SETD2: variants seen among roughly 807,000 people sequenced by gnomAD.
SETD2 encodes the protein histone-lysine N-methyltransferase SETD2.
A neutral mutation model predicts 242.1 loss-of-function variants in SETD2; 31 were observed. The observed-to-expected ratio is 0.13, with a 90% confidence interval of 0.10 to 0.17. SETD2 has a LOEUF of 0.17. SETD2 is among the 10% of genes least tolerant of loss of function. SETD2 has a pLI of 1.00. For synonymous variants in SETD2, 1,006 were observed against 1,066.5 expected (o/e 0.94, Z 1.11); for missense variants, 2,481 against 3,046.3 (o/e 0.81, Z 4.37).
chr3:47,143,212 T>C (rs1350813879), intron 1 of SETD2, among the ~76,000 whole-genome samples: 3 of 152,120 alleles, frequency 2.0e-5, no homozygotes, highest in Non-Finnish European at 4.4e-5. Context: ...GACCACTGCT[T>C]GAGCCCAGGA....
chr3:47,091,955 A>C (rs534283379), intron 9 of SETD2, among the ~76,000 whole-genome samples: 2 of 150,508 alleles, frequency 1.3e-5, no homozygotes, highest in African/African-American at 4.9e-5. Flanking sequence ...AAAAACAAAC[A>C]AAAAAAAAGA....
chr3:47,023,703 A>T (rs1011096986), intron 18 of SETD2, among the ~76,000 whole-genome samples: 13 of 152,240 alleles, frequency 8.5e-5, no homozygotes, highest in Non-Finnish European at 2.9e-5. Context: ...AACCAATTTT[A>T]AAAAACCCCA....
intron 9 of SETD2, among the ~76,000 whole-genome samples, chr3:47,094,489 T>C (rs989586626): frequency 1.2e-4 from 19 of 152,380 alleles, no homozygotes; most frequent in Middle Eastern, 3.4e-3. Flanking sequence ...GCTAGCTATC[T>C]TGTCCTTTCC....
intron 15 of SETD2, chr3:47,046,848 GAAAAT>G: frequency 3.7e-6 from 1 of 272,202 alleles, no homozygotes. Context: ...TTTATCATAA[GAAAAT>G]AAAAGCTTTT....
intron 7 of SETD2, 56 bp downstream of exon 7, chr3:47,103,290 G>T (rs2107687797): frequency 1.7e-6 from 2 of 1,167,782 alleles, no homozygotes; most frequent in Non-Finnish European, 1.3e-6. Flanking sequence ...TAAAATTAAT[G>T]GTCAGAACAG....
intron 6 of SETD2, among the ~76,000 whole-genome samples, chr3:47,104,814 G>T (rs553144382): frequency 6.6e-6 from 1 of 152,316 alleles, no homozygotes; most frequent in South Asian, 2.1e-4. Context: ...GTTCATGCCT[G>T]TAATCCCAAC....
chr3:47,049,923 A>G (rs1368762859), intron 15 of SETD2, among the ~76,000 whole-genome samples: 6 of 146,440 alleles, frequency 4.1e-5, no homozygotes, highest in African/African-American at 1.5e-4. Context: ...TTTATATATT[A>G]TATATAAACT....
At chr3:47,110,478 C>T (rs2042607270) in intron 5 of SETD2, among the ~76,000 whole-genome samples, 1 of 152,146 alleles carries the variant, frequency 6.6e-6, no homozygotes. Context: ...TTAAGTCAAC[C>T]TGGACTGCCT....
In SETD2 at chr3:47,057,495, A is replaced by G. The variant is rs2107578444; in HGVS notation, c.6294-5T>C. 6.2e-7 allele frequency: 1 copy of G among 1,609,842 alleles called. No individual in the cohort carries two copies. Among genetic ancestry groups the G allele is most frequent in the Non-Finnish European group, 8.5e-7 (1 of 1,176,900 alleles). ...TTAGAAGTTGGTGTATCATATCTAG[A>G]AAGAAAATAAGGACCACAAAAAGTT... On this transcript the variant is annotated splice_polypyrimidine_tract_variant and splice_region_variant and intron_variant, in intron 14 of 20. Transcript: ENST00000409792.
chr3:47,127,423 T>G, intron 1 of SETD2: 1 of 217,310 alleles, frequency 4.6e-6, no homozygotes, highest in South Asian at 4.7e-5. Flanking sequence ...CCAGGCAGAG[T>G]CAGAGATTAA....
chr3:47,080,190 T>C (rs1214487620), intron 12 of SETD2, among the ~76,000 whole-genome samples: 1 of 152,240 alleles, frequency 6.6e-6, no homozygotes, highest in Non-Finnish European at 1.5e-5. Context: ...AGGGAAATAC[T>C]TGATTTGCTG....
At position 47,124,214 on chromosome 3, in the gene SETD2, T is replaced by C. The variant is rs2043233575; in HGVS notation, c.422A>G (p.Lys141Arg). The C allele has an allele frequency of 6.4e-7, 1 of 1,551,800 alleles. No homozygotes were observed. Residue 141 changes from lysine to arginine, a missense_variant, in exon 3 of 21, where the codon AAA (lysine) becomes AGA (arginine). Transcript: ENST00000409792. Reference protein sequence around the residue: ...SPPKSRVELGKIHFKKHLLHV... With the variant: ...SPPKSRVELGRIHFKKHLLHV... ...AAGCAGATGTTTCTTAAAATGAATT[T>C]TGCCCAATTCCACCCTTGACTTTGG...
At chr3:47,023,560 G>A (rs1380489838) in intron 18 of SETD2, among the ~76,000 whole-genome samples, 2 of 151,896 alleles carry the variant, frequency 1.3e-5, no homozygotes, top group Non-Finnish European at 2.9e-5. Flanking sequence ...ACATGAACCT[G>A]TACATGTCAA....
At chr3:47,155,586 G>A (rs1386808103) in intron 1 of SETD2, among the ~76,000 whole-genome samples, 2 of 152,160 alleles carry the variant, frequency 1.3e-5, no homozygotes, top group Non-Finnish European at 2.9e-5. Context: ...ACTGAGGTGG[G>A]TGGATCACTT....
chr3:47,144,813 G>A (rs951433288), intron 1 of SETD2, among the ~76,000 whole-genome samples: 1 of 151,442 alleles, frequency 6.6e-6, no homozygotes, highest in African/African-American at 2.4e-5. Flanking sequence ...ACAAAAATTA[G>A]ATGGGCACAC....
At chr3:47,129,015 T>C (rs183843788) in intron 1 of SETD2, among the ~76,000 whole-genome samples, 14 of 152,262 alleles carry the variant, frequency 9.2e-5, no homozygotes, top group Non-Finnish European at 1.5e-4. Context: ...CAGTTCTATT[T>C]TGGACAGGCA....
At chr3:47,144,983 A>C (rs1042707145) in intron 1 of SETD2, among the ~76,000 whole-genome samples, 2 of 152,170 alleles carry the variant, frequency 1.3e-5, no homozygotes, top group Non-Finnish European at 2.9e-5. Flanking sequence ...AACAAACAAT[A>C]AATAAATATT....
intron 1 of SETD2, among the ~76,000 whole-genome samples, chr3:47,155,578 T>G (rs1011991980): frequency 6.6e-6 from 1 of 152,162 alleles, no homozygotes; most frequent in African/African-American, 2.4e-5. Context: ...TTTGGGAGAC[T>G]GAGGTGGGTG....
intron 3 of SETD2, among the ~76,000 whole-genome samples, chr3:47,117,065 A>C (rs533484711): frequency 1.2e-4 from 18 of 151,972 alleles, no homozygotes; most frequent in East Asian, 3.9e-4. Context: ...GGGTCTCTCT[A>C]TGTTACTCAA....
Sources: gnomAD v4.1 joint callset for allele counts (sites outside exome capture counted in the v4.1 genomes callset) on GRCh38, gnomAD v4.1.1 for gene constraint, MANE v1.5 for transcripts, NCBI Gene and HGNC (gene_info 2026-07-23, HGNC 2026-07-21) for gene names.